The following NHSL1 variants were observed in gnomAD, a reference collection of about 807,000 sequenced individuals.
NHSL1 encodes the protein NHS-like protein 1.
A neutral mutation model predicts 95.0 loss-of-function variants in NHSL1; 48 were observed. The ratio of observed to expected loss-of-function variants is 0.51; its 90% CI spans 0.40 to 0.64. The LOEUF is 0.64. NHSL1 is among the 30% of genes least tolerant of loss of function. The probability of loss-of-function intolerance (pLI) is 0.00; values close to 1 mark genes in which losing one functional copy is unlikely to be tolerated. For missense variants in NHSL1, 1,971 were observed against 2,077.7 expected, an observed-to-expected ratio of 0.95 and a Z score of 1.00; for synonymous variants, 783 against 833.9, an observed-to-expected ratio of 0.94 and a Z score of 1.05.
intron 4 of NHSL1, among the ~76,000 whole-genome samples, chr6:138,442,798 G>A (rs981455591): frequency 3.3e-5 from 5 of 152,160 alleles, no homozygotes; most frequent in Non-Finnish European, 5.9e-5. Flanking sequence ...GACATTTCAA[G>A]TGATTTTGCA....
intron 2 of NHSL1, among the ~76,000 whole-genome samples, chr6:138,484,594 C>T (rs1043337702): frequency 1.3e-5 from 2 of 152,128 alleles, no homozygotes; most frequent in Admixed American, 6.5e-5. Flanking sequence ...GACTGGTTTT[C>T]CCCCATGTCT....
intron 2 of NHSL1, among the ~76,000 whole-genome samples, chr6:138,492,925 TTGAA>T (rs1215521721): frequency 4.6e-5 from 7 of 152,176 alleles, no homozygotes; most frequent in Non-Finnish European, 8.8e-5. Flanking sequence ...AATGCTGAGG[TTGAA>T]TGAACTTAGA....
At chr6:138,497,541 G>A (rs536200893) in intron 1 of NHSL1, among the ~76,000 whole-genome samples, 5 of 152,264 alleles carry the variant, frequency 3.3e-5, no homozygotes, top group East Asian at 3.9e-4. Context: ...GAGAACACAC[G>A]CATAAACTAT....
chr6:138,453,553 T>C (rs35517888), intron 3 of NHSL1, among the ~76,000 whole-genome samples: 34,884 of 151,784 alleles, frequency 0.23, 5,417 homozygotes, highest in African/African-American at 0.45. Context: ...TTTATTGTAT[T>C]ATTATTTTTT....
chr6:138,428,514 A>G (rs2128192353), intron 7 of NHSL1, among the ~76,000 whole-genome samples: 1 of 152,334 alleles, frequency 6.6e-6, no homozygotes, highest in East Asian at 1.9e-4. Flanking sequence ...TCCATGTTAA[A>G]AGGGGCAGTC....
chr6:138,501,400 A>G (rs1780670704), upstream of NHSL1, among the ~76,000 whole-genome samples: 1 of 152,206 alleles, frequency 6.6e-6, no homozygotes, highest in Admixed American at 6.5e-5. Context: ...TGAGTGCAAC[A>G]GACAAAATAA....
In NHSL1 at chr6:138,612,047, T is replaced by C. The variant is rs186219786; in HGVS notation, c.96+80429A>G. On this transcript the variant is annotated intron_variant, in intron 1 of 3. Coordinates refer to the NHSL1 transcript ENST00000491526. ...ATTGCTTGAACCCAAGAGGCGGAGG[T>C]TGCAGTGAGCCAAGATCACGCCACT... Among the ~76,000 whole-genome samples the C allele has an allele frequency of 2.9e-4, 42 of 145,994 alleles. 1 individual carries two copies. In the East Asian group the frequency reaches 7.8e-3, roughly 27 times the overall value.
In NHSL1 at chr6:138,559,520, A is replaced by G. The variant is rs1187372789; in HGVS notation, c.202+12190T>C. ...CTCAGAGTCACAAGCTGGGTTTTGG[A>G]CCAGATGGTTTTCTGAGAGGCACCA... On this transcript the variant is annotated intron_variant, in intron 1 of 6. Coordinates refer to the NHSL1 transcript ENST00000427025. Among the ~76,000 whole-genome samples, 4 of 152,180 alleles carry G rather than the reference A, an allele frequency of 2.6e-5. No homozygotes were observed. In the East Asian group the frequency reaches 7.7e-4, roughly 29 times the overall value.
chr6:138,456,216 G>C (rs1343559959), intron 3 of NHSL1, among the ~76,000 whole-genome samples: 1 of 152,100 alleles, frequency 6.6e-6, no homozygotes, highest in Non-Finnish European at 1.5e-5. Flanking sequence ...CGGAACATGT[G>C]GTTTTTATCT....
chr6:138,519,054 ATACATAC>A (rs1781569637), intron 1 of NHSL1, among the ~76,000 whole-genome samples: 1 of 151,854 alleles, frequency 6.6e-6, no homozygotes, highest in African/African-American at 2.4e-5. Flanking sequence ...AAATAAATAC[ATACATAC>A]ATACATAATA....
intron 1 of NHSL1, among the ~76,000 whole-genome samples, chr6:138,554,807 A>G (rs963135277): frequency 3.3e-5 from 5 of 152,196 alleles, no homozygotes; most frequent in Non-Finnish European, 7.3e-5. Flanking sequence ...ACATTCACCA[A>G]CTTTTGTCCC....
At chr6:138,649,599 C>T (rs1031576491) in intron 1 of NHSL1, among the ~76,000 whole-genome samples, 20 of 152,128 alleles carry the variant, frequency 1.3e-4, no homozygotes, top group Admixed American at 9.2e-4. Context: ...ATATGTGAGG[C>T]ATCGCCATTA....
In NHSL1 at chr6:138,422,576, A is replaced by C. The variant is rs775515373; in HGVS notation, c.*1505T>G. ...TTGTCATCCTAGGTCCTTCTAATGA[A>C]GAAGACAATACTCTAGTTTATTTAA... On this transcript the variant is annotated 3_prime_UTR_variant, in exon 8 of 8. Transcript: ENST00000343505. 2.0e-5 allele frequency: 3 copies of C among 152,332 alleles called. No individual in the cohort carries two copies. The highest frequency in any genetic ancestry group is 4.4e-5 in the Non-Finnish European group (3 of 68,034). 9.4% of individuals were successfully genotyped at this position (152,332 alleles called of 1,614,324 possible). A position where few individuals can be genotyped will look rare whatever the true frequency, so the allele number is the denominator to read the frequency against.
intron 4 of NHSL1, among the ~76,000 whole-genome samples, chr6:138,443,091 A>G (rs1251127039): frequency 6.6e-6 from 1 of 152,102 alleles, no homozygotes; most frequent in Non-Finnish European, 1.5e-5. Context: ...ACACACATTA[A>G]AAACTTCTAT....
upstream of NHSL1, among the ~76,000 whole-genome samples, chr6:138,548,640 G>A (rs958762307): frequency 5.3e-5 from 8 of 152,160 alleles, no homozygotes; most frequent in Non-Finnish European, 8.8e-5. Flanking sequence ...TAAATGTGAG[G>A]ACTGAATAGA....
intron 1 of NHSL1, among the ~76,000 whole-genome samples, chr6:138,518,393 GT>G (rs532765329): frequency 0.054 from 7,355 of 136,256 alleles, 175 homozygotes; most frequent in Middle Eastern, 0.082. Context: ...ATTACAGCAG[GT>G]TTTTTTTTTT....
intron 1 of NHSL1, among the ~76,000 whole-genome samples, chr6:138,681,145 T>G (rs1382734908): frequency 7.2e-5 from 11 of 151,974 alleles, no homozygotes; most frequent in Non-Finnish European, 2.9e-5. Context: ...AAATAATACT[T>G]TGGATTATAT....
intron 1 of NHSL1, among the ~76,000 whole-genome samples, chr6:138,588,253 A>G (rs1219943385): frequency 4.6e-5 from 7 of 152,236 alleles, no homozygotes; most frequent in Non-Finnish European, 1.0e-4. Flanking sequence ...ACTTGAGGTC[A>G]AGAGTTCAAG....
At chr6:138,627,478 T>A (rs1784755675) in intron 1 of NHSL1, among the ~76,000 whole-genome samples, 1 of 152,200 alleles carries the variant, frequency 6.6e-6, no homozygotes. Context: ...AACATCTGTC[T>A]CACGCACACA....
Sources: allele counts gnomAD v4.1 joint callset (sites outside exome capture counted in the v4.1 genomes callset), GRCh38; gene constraint gnomAD v4.1.1; transcripts MANE v1.5; gene names NCBI Gene and HGNC (gene_info 2026-07-23, HGNC 2026-07-21).